Variants in LPP observed in about 807,000 individuals in gnomAD.
The protein encoded by LPP is lipoma-preferred partner.
LPP carries 38 observed loss-of-function variants against 60.4 expected under a neutral mutation model. The observed-to-expected ratio is 0.63, with a 90% CI of 0.49 to 0.83. LPP has a LOEUF of 0.83. LPP is among the 40% of genes least tolerant of loss of function. The pLI, the probability that LPP is intolerant of heterozygous loss-of-function variation, is 0.00. For synonymous variants in LPP, 328 were observed against 290.8 expected (o/e 1.13, Z -1.30); for missense variants, 902 against 783.6 (o/e 1.15, Z -1.80).
At position 188,882,523 on chromosome 3, in the gene LPP, T is replaced by C. The variant is rs1039217391; in HGVS notation, c.*8044T>C. Reference sequence around the variant, plus strand: ...AGTATGGACAGGAAGCAGCCCTCCATGAACTTTATTATCACAGAATATGAG... The same window carrying C: ...AGTATGGACAGGAAGCAGCCCTCCACGAACTTTATTATCACAGAATATGAG... On this transcript the variant is annotated 3_prime_UTR_variant, in exon 12 of 12. Transcript: ENST00000617246. 3 of 224,188 alleles carry C rather than the reference T, an allele frequency of 1.3e-5. No individual in the cohort carries two copies. The highest frequency in any genetic ancestry group is 6.7e-5 in the African/African-American group (3 of 44,818). 13.9% of individuals were successfully genotyped at this position (224,188 alleles called of 1,614,324 possible). A position where few individuals can be genotyped will look rare whatever the true frequency, so the allele number is the denominator to read the frequency against.
chr3:188,273,962 T>C (rs1388803672), intron 2 of LPP, among the ~76,000 whole-genome samples: 1 of 152,176 alleles, frequency 6.6e-6, no homozygotes, highest in Non-Finnish European at 1.5e-5. Flanking sequence ...TTTAGAGATA[T>C]ATATGAAATT....
chr3:188,743,219 T>G (rs1349294042), intron 8 of LPP, among the ~76,000 whole-genome samples: 3 of 152,124 alleles, frequency 2.0e-5, no homozygotes, highest in African/African-American at 4.8e-5. Flanking sequence ...TTATTTGTAT[T>G]AATTTACATA....
chr3:188,535,580 ATGTATT>A, intron 6 of LPP, among the ~76,000 whole-genome samples: 1 of 152,218 alleles, frequency 6.6e-6, no homozygotes, highest in East Asian at 1.9e-4. Flanking sequence ...AATAAAGAAC[ATGTATT>A]TGCATTAAGA....
At position 188,739,387 on chromosome 3, in the gene LPP, C is replaced by T. The variant is rs373577759; in HGVS notation, c.1241-20726C>T. 9.2e-5 allele frequency among the ~76,000 whole-genome samples: 14 copies of T among 152,012 alleles called. No homozygotes were observed. In the East Asian group the frequency reaches 2.5e-3, roughly 27 times the overall value. On this transcript the variant is annotated intron_variant, in intron 8 of 11. Coordinates refer to ENST00000617246, the MANE Select transcript of LPP (RefSeq NM_001375462.1). ...GCCTTGGATAATAAGGTGTGATTGT[C>T]GTTGGTGGAAATGAATTGCATCCAG... is the stretch of plus-strand genomic sequence containing the variant.
In LPP at chr3:188,881,407, A is replaced by T. The variant is rs987383028; in HGVS notation, c.*6928A>T. 7.3e-5 allele frequency: 15 copies of T among 204,514 alleles called. No homozygotes were observed. Among genetic ancestry groups the T allele is most frequent in the Non-Finnish European group, 7.0e-5 (7 of 99,474 alleles). The allele number at this position is 204,514 out of a possible 1,614,324, so 12.7% of individuals were successfully genotyped here. ...CCTATCACTCTCTGCTGCTTCTTTA[A>T]ACAGTGGACACAAACATATTTTCTA... On this transcript the variant is annotated 3_prime_UTR_variant, in exon 12 of 12. Coordinates refer to ENST00000617246, the MANE Select transcript of LPP (RefSeq NM_001375462.1).
chr3:188,557,793 A>C (rs1444166199), intron 6 of LPP, among the ~76,000 whole-genome samples: 3 of 152,104 alleles, frequency 2.0e-5, no homozygotes, highest in African/African-American at 7.2e-5. Flanking sequence ...CAGAATGTGC[A>C]TATGAATGTT....
intron 1 of LPP, among the ~76,000 whole-genome samples, chr3:188,191,941 T>A (rs923567367): frequency 5.9e-5 from 9 of 152,200 alleles, no homozygotes; most frequent in African/African-American, 2.2e-4. Flanking sequence ...AGGGGAACTT[T>A]AGTTGCTGGA....
chr3:188,167,871 T>C (rs1233287255), intron 1 of LPP, among the ~76,000 whole-genome samples: 2 of 152,228 alleles, frequency 1.3e-5, no homozygotes, highest in African/African-American at 4.8e-5. Flanking sequence ...CTTACCAGGA[T>C]TTAATTTTAT....
rs185329946 is a variant in LPP, at chr3:188,394,922, T to G, written c.-9-11190T>G. On this transcript the variant is annotated intron_variant, in intron 3 of 11. Transcript: ENST00000617246. ...CTTCCAATCGTTTTGCTATTAAATG[T>G]GAAATTGCAAAACTAGCCTCTCTTA... Among the ~76,000 whole-genome samples the G allele has an allele frequency of 1.8e-4, 27 of 152,300 alleles. 1 individual carries two copies. In the East Asian group the frequency reaches 4.8e-3, roughly 27 times the overall value.
At chr3:188,497,165 TC>T (rs1458104781) in intron 5 of LPP, among the ~76,000 whole-genome samples, 1 of 152,166 alleles carries the variant, frequency 6.6e-6, no homozygotes, top group African/African-American at 2.4e-5. Context: ...TTTCTGTCGT[TC>T]CCTTGGGGAT....
rs146882066 is a variant in LPP at position 188,502,573 on chromosome 3, G to A, written c.306+17869G>A. On this transcript the variant is annotated intron_variant, in intron 5 of 11. Coordinates refer to ENST00000617246, the MANE Select transcript of LPP (RefSeq NM_001375462.1). Reference sequence around the variant, plus strand: ...AATTTATTCTGCCAACCCGTCTTTTGACCAGAGAATTTAATTCATTTACAT... The same window carrying A: ...AATTTATTCTGCCAACCCGTCTTTTAACCAGAGAATTTAATTCATTTACAT... Among the ~76,000 whole-genome samples the A allele has an allele frequency of 2.0e-5, 3 of 152,180 alleles. 1 individual carries two copies. The highest frequency in any genetic ancestry group is 7.2e-5 in the African/African-American group (3 of 41,542).
intron 7 of LPP, among the ~76,000 whole-genome samples, chr3:188,687,261 T>C (rs535686854): frequency 1.3e-5 from 2 of 152,312 alleles, no homozygotes; most frequent in African/African-American, 4.8e-5. Context: ...CCCACCCTGG[T>C]ATACCATAGT....
chr3:188,702,798 A>G (rs1351160637), intron 7 of LPP, among the ~76,000 whole-genome samples: 1 of 152,026 alleles, frequency 6.6e-6, no homozygotes, highest in East Asian at 1.9e-4. Context: ...TTGGCAGCAA[A>G]CCTCCACTCT....
Position 188,259,866 on chromosome 3 carries a change from TGAA to T in LPP, c.-67+34340_-67+34342del, listed in dbSNP as rs575472289. ...AAGGAAGGCTCATGTTTAAACTCAG[TGAA>T]AGGAGAGCCTGGCTTATTTATGGTG... On this transcript the variant is annotated intron_variant, in intron 2 of 11. Coordinates refer to ENST00000617246, the MANE Select transcript of LPP (RefSeq NM_001375462.1). 7.1e-4 allele frequency among the ~76,000 whole-genome samples: 108 copies of T among 152,182 alleles called. 1 individual carries two copies. The highest frequency in any genetic ancestry group is 2.5e-3 in the African/African-American group (102 of 41,530).
intron 5 of LPP, among the ~76,000 whole-genome samples, chr3:188,494,639 A>C (rs1441155695): frequency 6.6e-6 from 1 of 151,970 alleles, no homozygotes; most frequent in African/African-American, 2.4e-5. Flanking sequence ...GCTGCCTGTG[A>C]GGAGTTCATC....
intron 2 of LPP, among the ~76,000 whole-genome samples, chr3:188,241,010 T>A (rs1577485788): frequency 1.3e-5 from 2 of 152,318 alleles, no homozygotes; most frequent in East Asian, 1.9e-4. Context: ...TATGTATGCA[T>A]AGTCTAAAGT....
At chr3:188,580,802 A>G (rs1283193959) in intron 6 of LPP, among the ~76,000 whole-genome samples, 1 of 152,184 alleles carries the variant, frequency 6.6e-6, no homozygotes, top group Non-Finnish European at 1.5e-5. Context: ...AGCTTGCATG[A>G]TTTTGTGGGC....
intron 2 of LPP, among the ~76,000 whole-genome samples, chr3:188,340,373 C>G (rs548444970): frequency 6.7e-6 from 1 of 148,202 alleles, no homozygotes; most frequent in African/African-American, 2.5e-5. Context: ...AAGTTTCTTG[C>G]AGGGCATCTG....
chr3:188,689,090 G>A (rs956414325), intron 7 of LPP, among the ~76,000 whole-genome samples: 2 of 152,176 alleles, frequency 1.3e-5, no homozygotes, highest in Non-Finnish European at 2.9e-5. Flanking sequence ...CTGGTACATG[G>A]TAAACATTCA....
Sources: allele counts gnomAD v4.1 joint callset (sites outside exome capture counted in the v4.1 genomes callset), GRCh38; gene constraint gnomAD v4.1.1; transcripts MANE v1.5; gene names NCBI Gene and HGNC (gene_info 2026-07-23, HGNC 2026-07-21).